NKAIN3: variants seen among roughly 807,000 people sequenced by gnomAD.
The protein encoded by NKAIN3 is sodium/potassium transporting ATPase interacting 3.
NKAIN3 carries 25 observed loss-of-function variants against 30.2 expected under a neutral mutation model. The ratio of observed to expected loss-of-function variants is 0.83; its 90% confidence interval spans 0.60 to 1.16. The LOEUF (loss-of-function observed/expected upper bound fraction) is 1.16. Among genes scored for constraint, NKAIN3 ranks in the 50% most tolerant of loss-of-function variants. The probability of loss-of-function intolerance (pLI) is 0.00; values close to 1 mark genes in which losing one functional copy is unlikely to be tolerated. For synonymous variants in NKAIN3, 91 were observed against 89.6 expected, an observed-to-expected ratio of 1.02 and a Z score of -0.09; for missense variants, 225 against 254.1, an observed-to-expected ratio of 0.89 and a Z score of 0.78.
intron 1 of NKAIN3, among the ~76,000 whole-genome samples, chr8:62,506,296 C>T (rs939081616): frequency 1.3e-5 from 2 of 151,246 alleles, no homozygotes; most frequent in African/African-American, 2.4e-5. Context: ...ATAGAGACTA[C>T]GAATTCCAAA....
chr8:62,721,316 C>A (rs1436578940), intron 3 of NKAIN3, among the ~76,000 whole-genome samples: 1 of 152,166 alleles, frequency 6.6e-6, no homozygotes, highest in Non-Finnish European at 1.5e-5. Flanking sequence ...TATTATCATA[C>A]TGCTACTTTG....
chr8:62,903,541 G>A (rs1274378612), intron 4 of NKAIN3, among the ~76,000 whole-genome samples: 2 of 152,024 alleles, frequency 1.3e-5, no homozygotes, highest in African/African-American at 2.4e-5. Flanking sequence ...GCCCTCTCGG[G>A]AGCCATAGAA....
intron 1 of NKAIN3, among the ~76,000 whole-genome samples, chr8:62,318,040 T>C (rs1312116924): frequency 2.6e-5 from 4 of 152,202 alleles, no homozygotes; most frequent in Non-Finnish European, 4.4e-5. Context: ...TTTGAAGCAA[T>C]TGTGAATGGG....
intron 1 of NKAIN3, among the ~76,000 whole-genome samples, chr8:62,357,017 G>T (rs1816381951): frequency 1.3e-5 from 2 of 152,126 alleles, no homozygotes; most frequent in South Asian, 4.1e-4. Flanking sequence ...TGGGAGAATT[G>T]CTTGAGACTG....
intron 1 of NKAIN3, among the ~76,000 whole-genome samples, chr8:62,394,747 C>T (rs1235970443): frequency 1.3e-5 from 2 of 150,466 alleles, no homozygotes; most frequent in South Asian, 2.1e-4. Context: ...GACGGGGTGG[C>T]GGCTGGGCAG....
At chr8:62,858,630 C>T (rs58323797) in intron 4 of NKAIN3, among the ~76,000 whole-genome samples, 1,558 of 152,308 alleles carry the variant, frequency 0.01, 21 homozygotes, top group African/African-American at 0.036. Context: ...AGCAATCTGG[C>T]CACATTCTGG....
chr8:62,724,082 A>C (rs776473764), intron 3 of NKAIN3, among the ~76,000 whole-genome samples: 4 of 152,044 alleles, frequency 2.6e-5, no homozygotes, highest in Non-Finnish European at 5.9e-5. Flanking sequence ...TTCCAACAGA[A>C]CCAAATGACA....
chr8:62,819,872 A>G (rs1818799865), intron 4 of NKAIN3, among the ~76,000 whole-genome samples: 1 of 152,140 alleles, frequency 6.6e-6, no homozygotes, highest in Non-Finnish European at 1.5e-5. Context: ...TAGTCTCAAT[A>G]AATACATTTT....
At chr8:62,320,604 CT>C (rs1187126963) in intron 1 of NKAIN3, among the ~76,000 whole-genome samples, 3 of 152,122 alleles carry the variant, frequency 2.0e-5, no homozygotes, top group Non-Finnish European at 1.5e-5. Context: ...CTTAGTTTGA[CT>C]GGATATGAAA....
intron 1 of NKAIN3, among the ~76,000 whole-genome samples, chr8:62,397,044 G>A (rs1403911405): frequency 6.6e-6 from 1 of 152,050 alleles, no homozygotes; most frequent in African/African-American, 2.4e-5. Flanking sequence ...TGTTCTTTGG[G>A]GTGTTCTAGA....
chr8:62,932,789 A>AG (rs973297538), intron 5 of NKAIN3, among the ~76,000 whole-genome samples: 1 of 152,040 alleles, frequency 6.6e-6, no homozygotes, highest in African/African-American at 2.4e-5. Flanking sequence ...CCAATGCTGG[A>AG]GTGCTGTGGC....
chr8:62,266,599 G>T (rs1429592950), intron 1 of NKAIN3, among the ~76,000 whole-genome samples: 2 of 152,120 alleles, frequency 1.3e-5, no homozygotes. Context: ...GTTGTAGTTG[G>T]CTCCATCTGA....
At chr8:62,854,516 A>G (rs1159308722) in intron 4 of NKAIN3, among the ~76,000 whole-genome samples, 1 of 151,710 alleles carries the variant, frequency 6.6e-6, no homozygotes, top group South Asian at 2.1e-4. Flanking sequence ...TTGGATTGCA[A>G]CTCCTGCTTT....
chr8:62,517,116 T>C (rs1007278625), intron 1 of NKAIN3, among the ~76,000 whole-genome samples: 2 of 152,188 alleles, frequency 1.3e-5, no homozygotes, highest in Non-Finnish European at 2.9e-5. Context: ...TAAATATTTA[T>C]TGAATAAATT....
intron 1 of NKAIN3, among the ~76,000 whole-genome samples, chr8:62,320,325 C>G (rs948316458): frequency 6.6e-6 from 1 of 152,096 alleles, no homozygotes; most frequent in Admixed American, 6.6e-5. Flanking sequence ...GCATTTAGCC[C>G]ATTTACATTT....
At chr8:62,487,058 C>A (rs1806925021) in intron 1 of NKAIN3, among the ~76,000 whole-genome samples, 1 of 152,180 alleles carries the variant, frequency 6.6e-6, no homozygotes, top group South Asian at 2.1e-4. Context: ...CACTGAAATG[C>A]CAGATTCGTG....
chr8:62,494,004 A>G (rs934478623), intron 1 of NKAIN3, among the ~76,000 whole-genome samples: 3 of 152,080 alleles, frequency 2.0e-5, no homozygotes, highest in Non-Finnish European at 2.9e-5. Context: ...CCATTTTCCT[A>G]TGCCCTTTAT....
At chr8:62,282,889 TCTC>T (rs1416902120) in intron 1 of NKAIN3, among the ~76,000 whole-genome samples, 1 of 152,090 alleles carries the variant, frequency 6.6e-6, no homozygotes, top group Non-Finnish European at 1.5e-5. Flanking sequence ...ACAACCCTCT[TCTC>T]CTCATTACTG....
At chr8:62,336,079 A>G (rs974798514) in intron 1 of NKAIN3, among the ~76,000 whole-genome samples, 5 of 152,072 alleles carry the variant, frequency 3.3e-5, no homozygotes, top group East Asian at 1.9e-4. Flanking sequence ...TCCTAAAACC[A>G]TATTGTACAA....
Sources: allele counts gnomAD v4.1 joint callset (sites outside exome capture counted in the v4.1 genomes callset), GRCh38; gene constraint gnomAD v4.1.1; transcripts MANE v1.5; gene names NCBI Gene and HGNC (gene_info 2026-07-23, HGNC 2026-07-21).